Variants in EXOC4 observed in about 807,000 individuals in gnomAD.
The protein encoded by EXOC4 is SEC8-like 1.
In EXOC4, 71 loss-of-function variants were observed where a neutral mutation model predicts 107.2. That is an observed-to-expected ratio of 0.66 (90% CI 0.55 to 0.81). The LOEUF (loss-of-function observed/expected upper bound fraction) is 0.81, where lower values mean the gene tolerates loss of function less well. Ranked by LOEUF, EXOC4 falls within the 30% of genes least tolerant of loss-of-function variation. The pLI is 0.00. For synonymous variants in EXOC4, 456 were observed against 441.2 expected (o/e 1.03, Z -0.42); for missense variants, 1,108 against 1,189.6 (o/e 0.93, Z 1.01).
At chr7:133,818,510 G>T (rs144679809) in intron 11 of EXOC4, among the ~76,000 whole-genome samples, 1 of 152,296 alleles carries the variant, frequency 6.6e-6, no homozygotes, top group African/African-American at 2.4e-5. Flanking sequence ...AAGCGTCCTA[G>T]TTATGAGCAT....
chr7:133,942,812 TA>T (rs1163207922), intron 14 of EXOC4, among the ~76,000 whole-genome samples: 1 of 152,176 alleles, frequency 6.6e-6, no homozygotes, highest in African/African-American at 2.4e-5. Flanking sequence ...TTCTTGTGCC[TA>T]AACAGAATTT....
intron 11 of EXOC4, among the ~76,000 whole-genome samples, chr7:133,885,884 A>G (rs1799075302): frequency 1.4e-5 from 2 of 147,906 alleles, no homozygotes; most frequent in South Asian, 4.2e-4. Context: ...TAATAGAGAA[A>G]AAAACTTTTA....
intron 17 of EXOC4, among the ~76,000 whole-genome samples, chr7:134,024,747 A>G (rs759578107): frequency 3.3e-5 from 5 of 152,156 alleles, no homozygotes; most frequent in Non-Finnish European, 5.9e-5. Flanking sequence ...CGCCCATCAG[A>G]TGCATGCACT....
intron 7 of EXOC4, among the ~76,000 whole-genome samples, chr7:133,454,828 G>A (rs1798426620): frequency 6.6e-6 from 1 of 152,222 alleles, no homozygotes; most frequent in Non-Finnish European, 1.5e-5. Flanking sequence ...GCCAGACACA[G>A]TGGCACCTGT....
chr7:133,710,993 G>A (rs1258217936), intron 10 of EXOC4, among the ~76,000 whole-genome samples: 1 of 151,716 alleles, frequency 6.6e-6, no homozygotes, highest in African/African-American at 2.4e-5. Flanking sequence ...TATTGGTAAA[G>A]TAGAGTTCAA....
At chr7:133,538,795 C>T (rs1334190507) in intron 9 of EXOC4, among the ~76,000 whole-genome samples, 8 of 148,688 alleles carry the variant, frequency 5.4e-5, no homozygotes, top group Non-Finnish European at 1.0e-4. Flanking sequence ...CCTGCCACTG[C>T]ACTGCAGCTT....
At chr7:134,016,481 A>C (rs964670288) in intron 17 of EXOC4, among the ~76,000 whole-genome samples, 1 of 152,202 alleles carries the variant, frequency 6.6e-6, no homozygotes, top group African/African-American at 2.4e-5. Flanking sequence ...CAGAAATGCT[A>C]CTTTCACCAT....
chr7:133,765,094 A>G (rs1343887537), intron 10 of EXOC4, among the ~76,000 whole-genome samples: 1 of 152,066 alleles, frequency 6.6e-6, no homozygotes, highest in African/African-American at 2.4e-5. Flanking sequence ...CTAGTCCTCT[A>G]TAGAGGTAGG....
In EXOC4 at chr7:133,475,333, A is replaced by G. The variant is rs2150849095; in HGVS notation, c.1188A>G (p.Leu396=). 1 of 1,612,028 alleles carries G rather than the reference A, an allele frequency of 6.2e-7. No homozygotes were observed. Among genetic ancestry groups the G allele is most frequent in the South Asian group, 1.1e-5 (1 of 90,848 alleles). The part of the protein sequence containing the change: ...WVKIQDVLQM[L]LTEYLDMKNT... Reference sequence around the variant, plus strand: ...TGATTTATCTGGTTGTACAGATGCTATTAACTGAGTACTTGGATATGAAAA... The same window carrying G: ...TGATTTATCTGGTTGTACAGATGCTGTTAACTGAGTACTTGGATATGAAAA... The change falls in exon 8 of 18, where the codon CTA becomes CTG. Residue 396 remains leucine (L), a synonymous_variant. Coordinates refer to ENST00000253861, the MANE Select transcript of EXOC4 (RefSeq NM_021807.4).
At chr7:133,683,117 C>T (rs1228920762) in intron 10 of EXOC4, among the ~76,000 whole-genome samples, 1 of 152,116 alleles carries the variant, frequency 6.6e-6, no homozygotes, top group East Asian at 1.9e-4. Context: ...GTCTTTTACC[C>T]CTCTCTTTCT....
intron 11 of EXOC4, among the ~76,000 whole-genome samples, chr7:133,889,337 T>C (rs1312566018): frequency 6.6e-6 from 1 of 151,842 alleles, no homozygotes; most frequent in Non-Finnish European, 1.5e-5. Flanking sequence ...CTGTGTAAGA[T>C]ACTTATTTGG....
At chr7:133,707,902 T>C (rs1794803182) in intron 10 of EXOC4, among the ~76,000 whole-genome samples, 2 of 152,142 alleles carry the variant, frequency 1.3e-5, no homozygotes, top group Admixed American at 1.3e-4. Flanking sequence ...TCATTTTTGT[T>C]TTTGATGGAA....
At chr7:133,807,914 T>C (rs1416898133) in intron 10 of EXOC4, among the ~76,000 whole-genome samples, 1 of 152,176 alleles carries the variant, frequency 6.6e-6, no homozygotes, top group Non-Finnish European at 1.5e-5. Flanking sequence ...TCACTTGCAA[T>C]ATACTCATGG....
intron 10 of EXOC4, among the ~76,000 whole-genome samples, chr7:133,747,635 A>T (rs1795705531): frequency 6.6e-6 from 1 of 152,174 alleles, no homozygotes; most frequent in Admixed American, 6.5e-5. Context: ...ATTGAAGTGT[A>T]TGTTGGTAAA....
chr7:133,291,136 G>A (rs924148544), intron 3 of EXOC4: 8 of 151,946 alleles, frequency 5.3e-5, no homozygotes, highest in African/African-American at 1.9e-4. Context: ...CAGGGGGCGT[G>A]GTATAGGGAG....
At chr7:133,292,136 G>A (rs1794421259) in intron 3 of EXOC4, among the ~76,000 whole-genome samples, 1 of 152,226 alleles carries the variant, frequency 6.6e-6, no homozygotes, top group South Asian at 2.1e-4. Context: ...CGTGAGGTCA[G>A]GAGATTGACA....
intron 11 of EXOC4, among the ~76,000 whole-genome samples, chr7:133,879,251 C>T (rs1798914088): frequency 6.6e-6 from 1 of 151,926 alleles, no homozygotes; most frequent in Non-Finnish European, 1.5e-5. Context: ...CACACAACCA[C>T]ATCCAGCTAA....
intron 9 of EXOC4, among the ~76,000 whole-genome samples, chr7:133,519,083 G>A (rs1475606540): frequency 6.6e-6 from 1 of 152,130 alleles, no homozygotes; most frequent in Non-Finnish European, 1.5e-5. Flanking sequence ...AGAAAAGGTA[G>A]CTAAGTAAAT....
chr7:133,923,004 C>A (rs1261778173), intron 13 of EXOC4, among the ~76,000 whole-genome samples: 1 of 150,874 alleles, frequency 6.6e-6, no homozygotes, highest in Non-Finnish European at 1.5e-5. Context: ...TTTTTGATAA[C>A]CATATATGTG....
Sources: allele counts gnomAD v4.1 joint callset (sites outside exome capture counted in the v4.1 genomes callset), GRCh38; gene constraint gnomAD v4.1.1; transcripts MANE v1.5; gene names NCBI Gene and HGNC (gene_info 2026-07-23, HGNC 2026-07-21).